The following TMX3 variants were observed in gnomAD, a reference collection of about 807,000 sequenced individuals.
The protein encoded by TMX3 is thioredoxin related transmembrane protein 3, also known as protein disulfide-isomerase TMX3.
In TMX3, 40 loss-of-function variants were observed where a neutral mutation model predicts 64.4. The observed-to-expected ratio is 0.62, with a 90% CI of 0.48 to 0.81. The LOEUF is 0.81. TMX3 is among the 30% of genes least tolerant of loss of function. TMX3 has a pLI of 0.00. For missense variants in TMX3, 497 were observed against 534.5 expected (o/e 0.93, Z 0.69); for synonymous variants, 189 against 175.7 (o/e 1.08, Z -0.60).
chr18:68,686,612 C>G, intron 10 of TMX3: 1 of 437,450 alleles, frequency 2.3e-6, no homozygotes, highest in South Asian at 9.6e-5. Context: ...GAGGCTGAGG[C>G]AGGAGAACTG....
At chr18:68,687,796 A>G (rs760831041) in intron 9 of TMX3, 31 bp from the exon 10 acceptor site, 1 of 1,535,616 alleles carries the variant, frequency 6.5e-7, no homozygotes, top group Non-Finnish European at 8.9e-7. Context: ...GACAAATTAC[A>G]GTATAAATAT....
At chr18:68,697,757 A>T (rs417180) in intron 7 of TMX3, 175 bp downstream of exon 7, 1 of 523,022 alleles carries the variant, frequency 1.9e-6, no homozygotes, top group African/African-American at 1.9e-5. Context: ...TTCATATAGG[A>T]AAACATGACA....
chr18:68,715,097 A>T lies in TMX3; in HGVS notation c.-116T>A. 6.6e-7 allele frequency: 1 copy of T among 1,520,102 alleles called. No homozygotes were observed. The highest frequency in any genetic ancestry group is 8.8e-7 in the Non-Finnish European group (1 of 1,130,652). The allele number at this position is 1,520,102 out of a possible 1,614,324, so 94.2% of individuals were successfully genotyped here. On this transcript the variant is annotated 5_prime_UTR_variant, in exon 1 of 16. Transcript: ENST00000299608. ...AGCCGACCCGGAGCGGAAGAGAAGC[A>T]CCGCGCTAACTACGGGGGCGGGGCT...
intron 14 of TMX3, 89 bp from the exon 15 acceptor site, chr18:68,679,620 G>A (rs890760479): frequency 3.3e-5 from 35 of 1,059,892 alleles, no homozygotes; most frequent in Non-Finnish European, 4.8e-5. Flanking sequence ...CAGGCCAAAT[G>A]GTTGACTCCA....
At chr18:68,685,102 C>T (rs947845435) in intron 10 of TMX3, among the ~76,000 whole-genome samples, 1 of 152,140 alleles carries the variant, frequency 6.6e-6, no homozygotes, top group Non-Finnish European at 1.5e-5. Flanking sequence ...GTGTTAGAAT[C>T]AGAACGCCAA....
intron 15 of TMX3, among the ~76,000 whole-genome samples, chr18:68,678,915 A>G (rs920680801): frequency 4.7e-5 from 7 of 148,348 alleles, no homozygotes; most frequent in Non-Finnish European, 1.0e-4. Context: ...AGAATAAAAG[A>G]AAAAAAAAAG....
rs554101218 is a variant in TMX3, at chr18:68,715,108, T to C, written c.-127A>G. On this transcript the variant is annotated 5_prime_UTR_variant, in exon 1 of 16. Coordinates refer to ENST00000299608, the MANE Select transcript of TMX3 (RefSeq NM_019022.5). ...AGCGGAAGAGAAGCACCGCGCTAACTACGGGGGCGGGGCTACCCGGCCAGT... is the reference window on the plus strand; with the variant it reads ...AGCGGAAGAGAAGCACCGCGCTAACCACGGGGGCGGGGCTACCCGGCCAGT... 8 of 1,502,756 alleles carry C rather than the reference T, an allele frequency of 5.3e-6. No homozygotes were observed. The highest frequency in any genetic ancestry group is 5.3e-6 in the Non-Finnish European group (6 of 1,122,016). 93.1% of individuals were successfully genotyped at this position (1,502,756 alleles called of 1,614,324 possible).
intron 15 of TMX3, among the ~76,000 whole-genome samples, chr18:68,678,084 G>A (rs534581081): frequency 6.6e-6 from 1 of 152,218 alleles, no homozygotes; most frequent in Admixed American, 6.5e-5. Context: ...ATAGATTGGA[G>A]ACTGGGCAAG....
At position 68,674,974 on chromosome 18, in the gene TMX3, T is replaced by C. The variant is rs1045458832; in HGVS notation, c.*1959A>G. ...CATTCACACTGAGCTTTACTCTTTT[T>C]TTCCTATTAAGGTCTTTCATTTACA... On this transcript the variant is annotated 3_prime_UTR_variant, in exon 16 of 16. Transcript: ENST00000299608. The C allele has an allele frequency of 2.6e-5, 4 of 152,148 alleles. No homozygotes were observed. Among genetic ancestry groups the C allele is most frequent in the Non-Finnish European group, 4.4e-5 (3 of 67,986 alleles). 9.4% of individuals were successfully genotyped at this position (152,148 alleles called of 1,614,324 possible).
Position 68,708,093 on chromosome 18 carries a change from A to G in TMX3, c.265+1928T>C, listed in dbSNP as rs567416361. Among the ~76,000 whole-genome samples, 52 of 151,098 alleles carry G rather than the reference A, an allele frequency of 3.4e-4. No homozygotes were observed. The South Asian group carries it at 3.5e-3, about 10-fold the overall frequency. ...TGTATATGTGTATATATATGTGTGT[A>G]TATATATATATGGAAACAAGAAATT... On this transcript the variant is annotated intron_variant, in intron 4 of 15. Coordinates refer to ENST00000299608, the MANE Select transcript of TMX3 (RefSeq NM_019022.5).
intron 10 of TMX3, chr18:68,687,390 T>C (rs1914066403): frequency 1.0e-6 from 1 of 985,390 alleles, no homozygotes; most frequent in East Asian, 1.1e-4. Context: ...AGCTTCTTAG[T>C]TGGTTATTTT....
chr18:68,687,731 G>T lies in TMX3; in HGVS notation c.672C>A (p.Asn224Lys). The T allele has an allele frequency of 6.2e-7, 1 of 1,612,224 alleles. No individual in the cohort carries two copies. The highest frequency in any genetic ancestry group is 8.5e-7 in the Non-Finnish European group (1 of 1,179,222). Residue 224 changes from asparagine to lysine, a missense_variant, in exon 10 of 16, where the codon AAC becomes AAA. Physicochemically the swap from Asn to Lys is moderately conservative, Grantham distance 94 (BLOSUM62 0). Transcript: ENST00000299608. ...YEDGDLSSWI[N>K]RERFQNYLAM... ...CAAGGTAATTCTGAAACCTTTCCCTGTTGATCCATGATGACAGATCACCAT... is the reference window on the plus strand; with the variant it reads ...CAAGGTAATTCTGAAACCTTTCCCTTTTGATCCATGATGACAGATCACCAT...
At chr18:68,687,853 G>T in intron 9 of TMX3, 88 bp from the exon 10 acceptor site, 2 of 887,064 alleles carry the variant, frequency 2.3e-6, no homozygotes, top group Admixed American at 2.8e-5. Flanking sequence ...GGTATAAAAC[G>T]CCTGACAGAG....
intron 1 of TMX3, 44 bp downstream of exon 1, chr18:68,714,892 G>A (rs1303324425): frequency 1.9e-6 from 3 of 1,548,104 alleles, no homozygotes; most frequent in Non-Finnish European, 2.6e-6. Context: ...GCGGGGCCAG[G>A]TCCCACGCGC....
intron 13 of TMX3, 152 bp from the exon 14 acceptor site, chr18:68,681,262 T>C (rs1913406057): frequency 1.5e-6 from 1 of 672,070 alleles, no homozygotes; most frequent in East Asian, 3.6e-5. Flanking sequence ...AGACCTAGTA[T>C]TTACGTGTAT....
chr18:68,704,385 G>A (rs1404702054), intron 4 of TMX3, among the ~76,000 whole-genome samples: 4 of 151,854 alleles, frequency 2.6e-5, no homozygotes, highest in East Asian at 1.9e-4. Flanking sequence ...TCGGTAACTC[G>A]TTTGAGAGCA....
At position 68,700,419 on chromosome 18, in the gene TMX3, A is replaced by C; in HGVS notation, c.378T>G (p.Ala126=). The part of the protein sequence containing the change: ...PRTKDDIIEF[A]HRVSGALIRP... ...TAATAACTTACCCAGATACTCTGTG[A>C]GCAAACTCAATAATATCATCTTTTG... The change falls in exon 6 of 16, where the codon GCT becomes GCG. Residue 126 remains alanine (A), a synonymous_variant. Transcript: ENST00000299608. The C allele has an allele frequency of 1.9e-6, 3 of 1,579,064 alleles. No homozygotes were observed. The highest frequency in any genetic ancestry group is 2.6e-6 in the Non-Finnish European group (3 of 1,164,132).
At chr18:68,685,110 C>T (rs2145026786) in intron 10 of TMX3, among the ~76,000 whole-genome samples, 1 of 152,226 alleles carries the variant, frequency 6.6e-6, no homozygotes, top group Middle Eastern at 3.4e-3. Flanking sequence ...ATCAGAACGC[C>T]AAACACTGCC....
chr18:68,715,053 C>A lies in TMX3; in HGVS notation c.-72G>T. 19 of 1,546,864 alleles carry A rather than the reference C, an allele frequency of 1.2e-5. No homozygotes were observed. Among genetic ancestry groups the A allele is most frequent in the Non-Finnish European group, 1.7e-5 (19 of 1,144,880 alleles). On this transcript the variant is annotated 5_prime_UTR_variant, in exon 1 of 16. Coordinates refer to ENST00000299608, the MANE Select transcript of TMX3 (RefSeq NM_019022.5). ...AAGACACTGGGGTCCGCCGCCTGCC[C>A]GCCCGGAAAGGGAAACGGAGCCGAC...
Sources: allele counts gnomAD v4.1 joint callset (sites outside exome capture counted in the v4.1 genomes callset), GRCh38; gene constraint gnomAD v4.1.1; transcripts MANE v1.5; gene names NCBI Gene and HGNC (gene_info 2026-07-23, HGNC 2026-07-21).